Variants in NEURL1 observed in about 807,000 individuals in gnomAD.
NEURL1 encodes E3 ubiquitin-protein ligase NEURL1.
A neutral mutation model predicts 41.2 loss-of-function variants in NEURL1; 26 were observed. That is an observed-to-expected ratio of 0.63 (90% confidence interval 0.46 to 0.87). The LOEUF (loss-of-function observed/expected upper bound fraction) is 0.87, where lower values mean the gene tolerates loss of function less well. Ranked by LOEUF, NEURL1 falls within the 40% of genes least tolerant of loss-of-function variation. The probability of loss-of-function intolerance (pLI) is 0.00; values close to 1 mark genes in which losing one functional copy is unlikely to be tolerated. For synonymous variants in NEURL1, 400 were observed against 402.3 expected, an observed-to-expected ratio of 0.99 and a Z score of 0.07; for missense variants, 761 against 871.1, an observed-to-expected ratio of 0.87 and a Z score of 1.59.
chr10:103,577,333 C>T (rs918028065), intron 3 of NEURL1, among the ~76,000 whole-genome samples: 4 of 152,168 alleles, frequency 2.6e-5, no homozygotes, highest in Non-Finnish European at 5.9e-5. Context: ...TCCTGACCAT[C>T]GGAAGCACTT....
rs927404476 is a variant in NEURL1, at chr10:103,556,365, G to C, written c.86-14507G>C. Among the ~76,000 whole-genome samples, 3 of 152,116 alleles carry C rather than the reference G, an allele frequency of 2.0e-5. No homozygotes were observed. Among genetic ancestry groups the C allele is most frequent in the African/African-American group, 7.2e-5 (3 of 41,400 alleles). On this transcript the variant is annotated intron_variant, in intron 1 of 5. Coordinates refer to ENST00000369780, the MANE Select transcript of NEURL1 (RefSeq NM_004210.5). The surrounding 1 kb of genome is among the most constrained non-coding windows in gnomAD (Gnocchi z 4.4). ...TTTACAAACCAGCCAGAACAGAATA[G>C]GCTGACCTTGGGGAGTCCCTGACGC...
At chr10:103,575,571 T>C (rs1025325873) in intron 3 of NEURL1, among the ~76,000 whole-genome samples, 4 of 152,196 alleles carry the variant, frequency 2.6e-5, no homozygotes, top group African/African-American at 9.6e-5. Context: ...CCAGACAGAG[T>C]GGAGGCAGGG....
chr10:103,565,763 G>A (rs1009030980), intron 1 of NEURL1, among the ~76,000 whole-genome samples: 3 of 152,098 alleles, frequency 2.0e-5, no homozygotes, highest in Non-Finnish European at 1.5e-5. Context: ...TGATCCTCCC[G>A]CCTTAGTCAC....
chr10:103,556,850 C>T lies in NEURL1; in HGVS notation c.86-14022C>T, dbSNP rs903475102. Among the ~76,000 whole-genome samples, 3 of 152,154 alleles carry T rather than the reference C, an allele frequency of 2.0e-5. No homozygotes were observed. The highest frequency in any genetic ancestry group is 4.4e-5 in the Non-Finnish European group (3 of 68,020). ...GGCTCTTCTCAGGGCTTGCTGGCCC[C>T]GGCGGGGCCTGTTGGCAGAGGGTCT... On this transcript the variant is annotated intron_variant, in intron 1 of 5. Transcript: ENST00000369780. This position sits in a 1 kb window ranked among gnomAD's most constrained non-coding sequence, Gnocchi z 4.4.
At chr10:103,568,854 G>A (rs1243075847) in intron 1 of NEURL1, among the ~76,000 whole-genome samples, 2 of 152,066 alleles carry the variant, frequency 1.3e-5, no homozygotes, top group African/African-American at 4.8e-5. Flanking sequence ...TTGCTCTGTC[G>A]CCCAGCCTGG....
chr10:103,547,370 G>A (rs188472127), intron 1 of NEURL1, among the ~76,000 whole-genome samples: 3 of 152,368 alleles, frequency 2.0e-5, no homozygotes, highest in African/African-American at 7.2e-5. Flanking sequence ...GTCCTGTACT[G>A]TCACTTTGTT....
chr10:103,555,885 C>A (rs1364877547), intron 1 of NEURL1, among the ~76,000 whole-genome samples: 5 of 152,172 alleles, frequency 3.3e-5, no homozygotes, highest in Admixed American at 2.6e-4. Flanking sequence ...GTGCTGTGTT[C>A]TATGCTGGAG....
At chr10:103,509,613 A>G (rs56336659) in intron 1 of NEURL1, among the ~76,000 whole-genome samples, 37,139 of 152,152 alleles carry the variant, frequency 0.24, 4,827 homozygotes, top group Admixed American at 0.29. Flanking sequence ...ACTGTCTTAT[A>G]TGTGATCTGT....
chr10:103,555,277 G>C (rs1592218612), intron 1 of NEURL1: 1 of 1,131,568 alleles, frequency 8.8e-7, no homozygotes. Flanking sequence ...GTCTCCGCCC[G>C]CGGGGGAGGA....
Position 103,589,660 on chromosome 10 carries a change from GGTAA to G in NEURL1, c.1486+4_1486+7del, listed in dbSNP as rs781481161. The G allele has an allele frequency of 6.2e-7, 1 of 1,607,256 alleles. No homozygotes were observed. Among genetic ancestry groups the G allele is most frequent in the Non-Finnish European group, 8.5e-7 (1 of 1,176,042 alleles). On this transcript the variant is annotated splice_donor_variant and splice_donor_region_variant and intron_variant, in intron 5 of 5. Transcript: ENST00000369780. LOFTEE classifies it high-confidence loss of function. ...TGGCCCTCTGGGTAGCTCTGCTGGT[GGTAA>G]GTAGGCTGGCTCCTCTGTTCCTTGG...
chr10:103,549,916 A>C (rs1019820963), intron 1 of NEURL1, among the ~76,000 whole-genome samples: 2 of 152,126 alleles, frequency 1.3e-5, no homozygotes, highest in African/African-American at 4.8e-5. Flanking sequence ...CAAAGTCTCT[A>C]TCATTTATTG....
At chr10:103,582,099 G>A (rs1453375129) in intron 3 of NEURL1, among the ~76,000 whole-genome samples, 2 of 151,904 alleles carry the variant, frequency 1.3e-5, no homozygotes, top group Non-Finnish European at 2.9e-5. Flanking sequence ...GTCCTGAGGG[G>A]GTGGTGTGGG....
In NEURL1 at chr10:103,571,087, C is replaced by T. The variant is rs779354741; in HGVS notation, c.301C>T (p.Leu101Phe). ...CATCACCTTCAGCAACCGCCCGGTC[C>T]TCATCTACGAGCAAGTCAGGCTGAA... is the stretch of plus-strand genomic sequence containing the variant. ...NAITFSNRPV[L>F]IYEQVRLKIT... is the part of the protein sequence containing the mutation. The change falls in exon 2 of 6, where the codon CTC becomes TTC. Residue 101 changes from leucine to phenylalanine, a missense_variant. By Grantham distance (22) the Leu-to-Phe change is conservative. Around this residue, in one of 5 missense-constraint regions of NEURL1, gnomAD observed 65 missense variants for 131.6 expected, o/e 0.49. Transcript: ENST00000369780. 18 of 1,613,598 alleles carry T rather than the reference C, an allele frequency of 1.1e-5. No homozygotes were observed. The African/African-American group carries it at 2.0e-4, about 18-fold the overall frequency.
At chr10:103,505,726 G>C (rs1489535409) in intron 1 of NEURL1, among the ~76,000 whole-genome samples, 2 of 86,928 alleles carry the variant, frequency 2.3e-5, no homozygotes, top group Non-Finnish European at 3.1e-5. Flanking sequence ...CAGTTGAGCT[G>C]GGTATGGAGG....
At position 103,545,490 on chromosome 10, in the gene NEURL1, C is replaced by T. The variant is rs115120484; in HGVS notation, c.86-25382C>T. Among the ~76,000 whole-genome samples the T allele has an allele frequency of 0.024, 3,701 of 152,200 alleles. 142 individuals are homozygous for T. Among genetic ancestry groups the T allele is most frequent in the African/African-American group, 0.084 (3,490 of 41,508 alleles). On this transcript the variant is annotated intron_variant, in intron 1 of 5. Transcript: ENST00000369780. The surrounding 1 kb of genome is among the most constrained non-coding windows in gnomAD (Gnocchi z 4.5). ...ACTCAGTGGGGATGAGAGCCACTGG[C>T]CTTTCCTGAGAGGCACTGCATGGAC...
At chr10:103,549,508 CT>C (rs2034991154) in intron 1 of NEURL1, among the ~76,000 whole-genome samples, 1 of 152,248 alleles carries the variant, frequency 6.6e-6, no homozygotes, top group Admixed American at 6.5e-5. Flanking sequence ...TAGAAGGAAG[CT>C]TTCAGCTGGG....
At chr10:103,544,954 G>A (rs2034896943) in intron 1 of NEURL1, among the ~76,000 whole-genome samples, 1 of 152,208 alleles carries the variant, frequency 6.6e-6, no homozygotes, top group African/African-American at 2.4e-5. Context: ...GAACTCAGGA[G>A]TTCTGACTGC....
intron 1 of NEURL1, among the ~76,000 whole-genome samples, chr10:103,510,743 C>T (rs1004680621): frequency 2.6e-5 from 4 of 152,360 alleles, no homozygotes; most frequent in Non-Finnish European, 5.9e-5. Context: ...CACCCCTCCT[C>T]TGTTTCTCTC....
rs561091179 is a variant in NEURL1, at chr10:103,524,219, T to C, written c.85+29747T>C. ...TGTTGAACATTTAAAAATATATACT[T>C]GTTGGTTTTGTCTGCATTCTTTTGA... On this transcript the variant is annotated intron_variant, in intron 1 of 5. Coordinates refer to ENST00000369780, the MANE Select transcript of NEURL1 (RefSeq NM_004210.5). Among the ~76,000 whole-genome samples, 13 of 152,254 alleles carry C rather than the reference T, an allele frequency of 8.5e-5. No individual in the cohort carries two copies. In the East Asian group the frequency reaches 2.5e-3, roughly 29 times the overall value.
Sources: gnomAD v4.1 joint callset for allele counts (sites outside exome capture counted in the v4.1 genomes callset) on GRCh38, gnomAD v4.1.1 for gene constraint, gnomAD v4.1.1 regional missense constraint, Gnocchi (gnomAD v3.1) non-coding constraint, MANE v1.5 for transcripts, NCBI Gene and HGNC (gene_info 2026-07-23, HGNC 2026-07-21) for gene names.